The following BST2 variants were observed in gnomAD, a reference collection of about 807,000 sequenced individuals.
BST2 encodes bone marrow stromal cell antigen 2.
A neutral mutation model predicts 18.6 loss-of-function variants in BST2; 10 were observed. That is an observed-to-expected ratio of 0.54 (90% CI 0.33 to 0.91). The LOEUF is 0.91. BST2 is among the 40% of genes least tolerant of loss of function. The pLI is 0.02. For missense variants in BST2, 183 were observed against 228.4 expected (o/e 0.80, Z 1.28); for synonymous variants, 75 against 96.8 (o/e 0.77, Z 1.32).
In BST2 at chr19:17,403,611, A is replaced by G. The variant is rs574786697; in HGVS notation, c.*15+69T>C. The stretch of plus-strand genomic sequence containing the variant: ...TGCAGCCTCTCTCTCTAGACTTCGG[A>G]GCCTCTGCTTCCCCGCCCCGCTTCC... On this transcript the variant is annotated intron_variant, in intron 4 of 4. Transcript: ENST00000252593. 4 of 1,549,670 alleles carry G rather than the reference A, an allele frequency of 2.6e-6. No homozygotes were observed. The East Asian group carries it at 9.1e-5, about 35-fold the overall frequency.
At chr19:17,403,570 G>A (rs375355249) in intron 4 of BST2, 110 bp downstream of exon 4, 2 of 1,378,132 alleles carry the variant, frequency 1.5e-6, no homozygotes, top group African/African-American at 3.0e-5. Flanking sequence ...TCACCTCTGC[G>A]CCCAGTCCCT....
chr19:17,405,111 GT>G (rs933330806), intron 1 of BST2, among the ~76,000 whole-genome samples, 179 bp downstream of exon 1: 9 of 152,196 alleles, frequency 5.9e-5, no homozygotes, highest in Non-Finnish European at 1.3e-4. Flanking sequence ...CCTGGACTGG[GT>G]TAGGGGCCCA....
Position 17,403,009 on chromosome 19 carries a change from C to T in BST2, c.*333G>A. On this transcript the variant is annotated 3_prime_UTR_variant, in exon 5 of 5. Coordinates refer to ENST00000252593, the MANE Select transcript of BST2 (RefSeq NM_004335.4). ...AAAGACCCCAGAAAAAAGCAACCCC[C>T]CCCGCAAAAAAAACCCATAACAACA... is the stretch of plus-strand genomic sequence containing the variant. 1 of 985,100 alleles carries T rather than the reference C, an allele frequency of 1.0e-6. No homozygotes were observed. The highest frequency in any genetic ancestry group is 1.2e-6 in the Non-Finnish European group (1 of 829,894). The allele number at this position is 985,100 out of a possible 1,614,324, so 61.0% of individuals were successfully genotyped here. A position where few individuals can be genotyped will look rare whatever the true frequency, so the allele number is the denominator to read the frequency against.
intron 3 of BST2, 36 bp downstream of exon 3, chr19:17,404,093 G>T (rs2074711803): frequency 3.9e-6 from 6 of 1,553,402 alleles, no homozygotes; most frequent in Non-Finnish European, 3.5e-6. Context: ...GAGGAATGTG[G>T]CAGGTGGAGG....
chr19:17,404,033 T>C, intron 3 of BST2, 96 bp downstream of exon 3: 2 of 1,426,776 alleles, frequency 1.4e-6, no homozygotes, highest in East Asian at 4.9e-5. Flanking sequence ...GCAATGGGGA[T>C]TTTGGGAGCA....
In BST2 at chr19:17,405,271, A is replaced by G; in HGVS notation, c.285+20T>C. 1 of 1,594,540 alleles carries G rather than the reference A, an allele frequency of 6.3e-7. No homozygotes were observed. The highest frequency in any genetic ancestry group is 1.7e-5 in the Admixed American group (1 of 58,188). ...CCCACCGCCTAGTACTAGGCCATCC[A>G]AAGGAGTTGAGGAGCTTACCACAGT... On this transcript the variant is annotated intron_variant, in intron 1 of 4. Transcript: ENST00000252593.
chr19:17,403,621 T>TC, intron 4 of BST2, 59 bp downstream of exon 4: 9 of 1,568,208 alleles, frequency 5.7e-6, no homozygotes, highest in Admixed American at 5.3e-5. Flanking sequence ...AGCCTCTGCT[T>TC]CCCCGCCCCG....
Position 17,403,254 on chromosome 19 carries a change from C to G in BST2, c.*88G>C. ...CCCCGCTAACCGTGTTGCCCCATGA[C>G]CCGCTCAGAACTGATGAGATCAAGG... On this transcript the variant is annotated 3_prime_UTR_variant, in exon 5 of 5. Coordinates refer to ENST00000252593, the MANE Select transcript of BST2 (RefSeq NM_004335.4). 9.9e-7 allele frequency: 1 copy of G among 1,007,944 alleles called. No individual in the cohort carries two copies. The highest frequency in any genetic ancestry group is 1.2e-6 in the Non-Finnish European group (1 of 842,910). 62.4% of individuals were successfully genotyped at this position (1,007,944 alleles called of 1,614,324 possible). A position where few individuals can be genotyped will look rare whatever the true frequency, so the allele number is the denominator to read the frequency against.
At chr19:17,403,905 T>TC in intron 3 of BST2, 81 bp from the exon 4 acceptor site, 4 of 1,535,360 alleles carry the variant, frequency 2.6e-6, no homozygotes, top group East Asian at 2.3e-5. Context: ...CCCCGGGAGT[T>TC]CCCCCCGCAC....
intron 3 of BST2, 52 bp downstream of exon 3, chr19:17,404,077 G>C (rs1168510891): frequency 6.6e-7 from 1 of 1,523,496 alleles, no homozygotes; most frequent in East Asian, 2.4e-5. Flanking sequence ...AGGGATGTGG[G>C]GGTGAGAGGA....
At position 17,403,811 on chromosome 19, in the gene BST2, C is replaced by T. The variant is rs1804402; in HGVS notation, c.427G>A (p.Val143Ile). 6.3e-7 allele frequency: 1 copy of T among 1,586,494 alleles called. No homozygotes were observed. Among genetic ancestry groups the T allele is most frequent in the Non-Finnish European group, 8.5e-7 (1 of 1,171,026 alleles). The change falls in exon 4 of 5, where the codon GTC becomes ATC. Residue 143 changes from valine (V) to isoleucine (I), a missense_variant. By Grantham distance (29) the Val-to-Ile change is conservative. Coordinates refer to ENST00000252593, the MANE Select transcript of BST2 (RefSeq NM_004335.4). ...TTGTCCGCGATTCTCACGCTTAAGA[C>T]CTGGTTTTCTCTTCTGCGGTACAGA... Reference protein sequence around the residue: ...EVERLRRENQVLSVRIADKKY... With the variant: ...EVERLRRENQILSVRIADKKY...
chr19:17,404,009 C>A (rs2074711153), intron 3 of BST2, 120 bp downstream of exon 3: 1 of 1,367,004 alleles, frequency 7.3e-7, no homozygotes, highest in Admixed American at 2.0e-5. Context: ...GGGACTCAAA[C>A]TTTATCCCTT....
intron 2 of BST2, 64 bp downstream of exon 2, chr19:17,404,307 C>CCCCCCCCCCCACATCCATACCAGACACA: frequency 7.3e-7 from 1 of 1,378,246 alleles, no homozygotes; most frequent in Non-Finnish European, 1.0e-6. Context: ...GGTCTCCCTG[C>CCCCCCCCCCCACATCCATACCAGACACA]CCCCACCCCC....
intron 3 of BST2, 36 bp downstream of exon 3, chr19:17,404,093 G>A: frequency 1.9e-6 from 3 of 1,553,402 alleles, no homozygotes; most frequent in Non-Finnish European, 1.7e-6. Flanking sequence ...GAGGAATGTG[G>A]CAGGTGGAGG....
In BST2 at chr19:17,402,969, T is replaced by C; in HGVS notation, c.*373A>G. 2.0e-6 allele frequency: 2 copies of C among 985,116 alleles called. No homozygotes were observed. Among genetic ancestry groups the C allele is most frequent in the Non-Finnish European group, 2.4e-6 (2 of 829,886 alleles). 61.0% of individuals were successfully genotyped at this position (985,116 alleles called of 1,614,324 possible). A position where few individuals can be genotyped will look rare whatever the true frequency, so the allele number is the denominator to read the frequency against. ...TGTGCTCTCCCTCAAAGGAAGTGTT[T>C]ATTTTTTGGAGCTCAAAGACCCCAG... On this transcript the variant is annotated 3_prime_UTR_variant, in exon 5 of 5. Transcript: ENST00000252593.
intron 4 of BST2, 48 bp downstream of exon 4, chr19:17,403,632 C>G (rs531982010): frequency 6.8e-5 from 108 of 1,579,656 alleles, no homozygotes; most frequent in Non-Finnish European, 8.9e-5. Flanking sequence ...CCCCGCCCCG[C>G]TTCCCCAGCT....
At chr19:17,404,245 G>T in intron 2 of BST2, 56 bp from the exon 3 acceptor site, 1 of 1,568,830 alleles carries the variant, frequency 6.4e-7, no homozygotes, top group Non-Finnish European at 8.7e-7. Context: ...CCATGCTGGG[G>T]CCCTGCTCCA....
rs199660752 is a variant in BST2, at chr19:17,403,668, C to A, written c.*15+12G>T. Reference sequence around the variant, plus strand: ...TTCTTCTCCCTCCCGGGGCCGCCCCCTCCTCACTGACCAGCTTCCTGGGAT... The same window carrying A: ...TTCTTCTCCCTCCCGGGGCCGCCCCATCCTCACTGACCAGCTTCCTGGGAT... On this transcript the variant is annotated intron_variant, in intron 4 of 4. Coordinates refer to ENST00000252593, the MANE Select transcript of BST2 (RefSeq NM_004335.4). 1.2e-6 allele frequency: 2 copies of A among 1,608,726 alleles called. No homozygotes were observed. The highest frequency in any genetic ancestry group is 1.3e-5 in the African/African-American group (1 of 74,826).
intron 1 of BST2, 105 bp from the exon 2 acceptor site, chr19:17,404,542 A>T: frequency 6.5e-7 from 1 of 1,540,982 alleles, no homozygotes; most frequent in Non-Finnish European, 8.8e-7. Context: ...CTTAAATGCA[A>T]ACCCCTTTCA....
Sources: allele counts gnomAD v4.1 joint callset (sites outside exome capture counted in the v4.1 genomes callset), GRCh38; gene constraint gnomAD v4.1.1; transcripts MANE v1.5; gene names NCBI Gene and HGNC (gene_info 2026-07-23, HGNC 2026-07-21).